Variants in CYSTM1 observed in about 807,000 individuals in gnomAD.
The protein encoded by CYSTM1 is cysteine rich transmembrane module containing 1.
In CYSTM1, 4 loss-of-function variants were observed where a neutral mutation model predicts 13.1. The ratio of observed to expected loss-of-function variants is 0.31; its 90% CI spans 0.15 to 0.70. The LOEUF (loss-of-function observed/expected upper bound fraction) is 0.70, where lower values mean the gene tolerates loss of function less well. CYSTM1 is among the 30% of genes least tolerant of loss of function. The pLI, the probability that CYSTM1 is intolerant of heterozygous loss-of-function variation, is 0.72. For missense variants in CYSTM1, 96 were observed against 121.6 expected (o/e 0.79, Z 0.99); for synonymous variants, 36 against 42.7 (o/e 0.84, Z 0.62).
chr5:140,235,550 C>T (rs539105848), intron 2 of CYSTM1, among the ~76,000 whole-genome samples: 12 of 151,960 alleles, frequency 7.9e-5, no homozygotes, highest in African/African-American at 2.7e-4. Flanking sequence ...GGACTACAGG[C>T]GCCCGCCACC....
chr5:140,204,807 A>G (rs1011600308), intron 2 of CYSTM1, among the ~76,000 whole-genome samples: 1 of 152,112 alleles, frequency 6.6e-6, no homozygotes, highest in Non-Finnish European at 1.5e-5. Context: ...GTATATGCTC[A>G]GTAAATACGT....
intron 2 of CYSTM1, among the ~76,000 whole-genome samples, chr5:140,194,886 G>C (rs112621475): frequency 6.6e-6 from 1 of 152,176 alleles, no homozygotes. Context: ...CCTGGCCAAC[G>C]TGTTTTCTGA....
At chr5:140,192,395 G>A (rs945380340) in intron 1 of CYSTM1, among the ~76,000 whole-genome samples, 3 of 152,156 alleles carry the variant, frequency 2.0e-5, no homozygotes, top group Admixed American at 6.5e-5. Flanking sequence ...ACCCAGAAGG[G>A]TTCATTACCT....
chr5:140,187,077 G>GATC (rs1289776972), intron 1 of CYSTM1, among the ~76,000 whole-genome samples: 2 of 152,040 alleles, frequency 1.3e-5, no homozygotes, highest in African/African-American at 4.8e-5. Context: ...AGTGAGCCGA[G>GATC]ATCGCACCAC....
At chr5:140,216,244 C>T (rs191946592) in intron 2 of CYSTM1, among the ~76,000 whole-genome samples, 12 of 152,280 alleles carry the variant, frequency 7.9e-5, no homozygotes, top group East Asian at 1.9e-4. Context: ...CAGCTTTCAC[C>T]GATGTCTCCA....
intron 2 of CYSTM1, among the ~76,000 whole-genome samples, chr5:140,200,001 G>A (rs1322463380): frequency 6.6e-6 from 1 of 152,098 alleles, no homozygotes; most frequent in Non-Finnish European, 1.5e-5. Flanking sequence ...TAAGTTCCTT[G>A]TAGATTGTGG....
chr5:140,204,352 G>A (rs903382079), intron 2 of CYSTM1, among the ~76,000 whole-genome samples: 6 of 152,116 alleles, frequency 3.9e-5, no homozygotes, highest in South Asian at 2.1e-4. Context: ...CAGCTTGTGC[G>A]ACAGAGCAAG....
intron 2 of CYSTM1, among the ~76,000 whole-genome samples, chr5:140,207,086 C>T (rs1202054491): frequency 6.6e-6 from 1 of 152,222 alleles, no homozygotes. Flanking sequence ...ATAGACAGGG[C>T]CAGCATCTTT....
chr5:140,188,259 G>A (rs984887180), intron 1 of CYSTM1, among the ~76,000 whole-genome samples: 9 of 151,468 alleles, frequency 5.9e-5, no homozygotes, highest in African/African-American at 2.2e-4. Flanking sequence ...GGGGAAGGGG[G>A]GAGGGTAGAC....
chr5:140,238,185 G>C (rs1460263584), intron 2 of CYSTM1, among the ~76,000 whole-genome samples: 2 of 152,136 alleles, frequency 1.3e-5, no homozygotes, highest in Non-Finnish European at 1.5e-5. Flanking sequence ...AGGAGGAGTA[G>C]GGCAGGAAGA....
At chr5:140,203,299 C>T (rs979155210) in intron 2 of CYSTM1, 4 of 152,200 alleles carry the variant, frequency 2.6e-5, no homozygotes, top group South Asian at 4.1e-4. Flanking sequence ...CCTTTCATCC[C>T]GATTTCCCCA....
intron 2 of CYSTM1, among the ~76,000 whole-genome samples, chr5:140,237,183 C>G (rs1452813770): frequency 1.3e-5 from 2 of 152,192 alleles, no homozygotes; most frequent in Non-Finnish European, 2.9e-5. Context: ...ACTGTTGGAC[C>G]AGGTCATTCT....
rs910063513 is a variant in CYSTM1, at chr5:140,195,915, C to T, written c.187+1263C>T. 5.3e-5 allele frequency among the ~76,000 whole-genome samples: 8 copies of T among 151,480 alleles called. No homozygotes were observed. The South Asian group carries it at 8.3e-4, about 16-fold the overall frequency. ...CAAAAACTAGCCAGGCGTGGTGGTACGCGTCTATAGTCCCAGCTACTCAGG... is the reference window on the plus strand; with the variant it reads ...CAAAAACTAGCCAGGCGTGGTGGTATGCGTCTATAGTCCCAGCTACTCAGG... On this transcript the variant is annotated intron_variant, in intron 2 of 2. Coordinates refer to ENST00000261811, the MANE Select transcript of CYSTM1 (RefSeq NM_032412.4).
intron 1 of CYSTM1, among the ~76,000 whole-genome samples, chr5:140,177,079 A>ACAAAAAAAAAACAAAAAAAAAC (rs1288055869): frequency 8.4e-6 from 1 of 119,712 alleles, no homozygotes; most frequent in African/African-American, 2.8e-5. Flanking sequence ...AAAAAAAAAA[A>ACAAAAAAAAAACAAAAAAAAAC]AAAAAAAATC....
intron 2 of CYSTM1, among the ~76,000 whole-genome samples, chr5:140,212,113 C>T (rs1481990973): frequency 6.6e-6 from 1 of 152,146 alleles, no homozygotes; most frequent in Non-Finnish European, 1.5e-5. Flanking sequence ...GACTGAGATT[C>T]AGAGGGATGA....
intron 2 of CYSTM1, chr5:140,200,818 C>CA (rs1268432402): frequency 6.6e-6 from 1 of 152,264 alleles, no homozygotes; most frequent in African/African-American, 2.4e-5. Flanking sequence ...CTCAGCCTCT[C>CA]AGAGTGCTGG....
intron 2 of CYSTM1, among the ~76,000 whole-genome samples, chr5:140,216,016 C>T (rs1452860079): frequency 6.6e-6 from 1 of 152,002 alleles, no homozygotes; most frequent in Non-Finnish European, 1.5e-5. Context: ...GTGGCACGTG[C>T]CTGTAGTCCC....
At chr5:140,233,561 C>T (rs1002187655) in intron 2 of CYSTM1, among the ~76,000 whole-genome samples, 4 of 152,326 alleles carry the variant, frequency 2.6e-5, no homozygotes, top group African/African-American at 9.6e-5. Context: ...AACTGCTACT[C>T]TTTTCCAAAG....
At chr5:140,232,845 A>G (rs1351059647) in intron 2 of CYSTM1, among the ~76,000 whole-genome samples, 1 of 152,210 alleles carries the variant, frequency 6.6e-6, no homozygotes, top group Non-Finnish European at 1.5e-5. Context: ...TTAGACATCA[A>G]GTAAGGGAGT....
Sources: allele counts gnomAD v4.1 joint callset (sites outside exome capture counted in the v4.1 genomes callset), GRCh38; gene constraint gnomAD v4.1.1; transcripts MANE v1.5; gene names NCBI Gene and HGNC (gene_info 2026-07-23, HGNC 2026-07-21).